The following WWOX variants were observed in gnomAD, a reference collection of about 807,000 sequenced individuals.
The protein encoded by WWOX is WW domain containing oxidoreductase.
A neutral mutation model predicts 46.2 loss-of-function variants in WWOX; 69 were observed. The observed-to-expected ratio is 1.49, with a 90% CI of 1.23 to 1.82. The LOEUF is 1.82. Among genes scored for constraint, WWOX ranks in the 40% most tolerant of loss-of-function variants. The pLI, the probability that WWOX is intolerant of heterozygous loss-of-function variation, is 0.00. For missense variants in WWOX, 919 were observed against 542.6 expected, an observed-to-expected ratio of 1.69 and a Z score of -6.89; for synonymous variants, 359 against 202.6, an observed-to-expected ratio of 1.77 and a Z score of -6.56.
rs115329135 is a variant in WWOX at position 78,395,480 on chromosome 16, C to G, written c.605+8532C>G. Among the ~76,000 whole-genome samples the G allele has an allele frequency of 5.8e-3, 890 of 152,172 alleles. 5 individuals carry two copies. The highest frequency in any genetic ancestry group is 0.02 in the African/African-American group (824 of 41,510). On this transcript the variant is annotated intron_variant, in intron 6 of 8. Coordinates refer to ENST00000566780, the MANE Select transcript of WWOX (RefSeq NM_016373.4). ...GCTGCCATGATCATGCTACTGCACT[C>G]CAGCCTGGGCAACAGAGCCAGAACC...
intron 8 of WWOX, among the ~76,000 whole-genome samples, chr16:78,571,912 C>G (rs983382525): frequency 1.3e-5 from 2 of 152,160 alleles, no homozygotes; most frequent in African/African-American, 2.4e-5. Flanking sequence ...TTATTTCACA[C>G]TCACCAGATT....
At chr16:78,570,589 T>G (rs960045444) in intron 8 of WWOX, among the ~76,000 whole-genome samples, 5 of 152,082 alleles carry the variant, frequency 3.3e-5, no homozygotes, top group African/African-American at 1.2e-4. Context: ...ACAGGGATTA[T>G]AGGTGTGAGC....
At chr16:79,007,254 TG>T (rs1431151551) in intron 8 of WWOX, among the ~76,000 whole-genome samples, 1 of 152,086 alleles carries the variant, frequency 6.6e-6, no homozygotes, top group Non-Finnish European at 1.5e-5. Flanking sequence ...GGTTCTTTGC[TG>T]GAGAATAACA....
chr16:78,464,716 G>A (rs1038916841), intron 8 of WWOX, among the ~76,000 whole-genome samples: 3 of 152,064 alleles, frequency 2.0e-5, no homozygotes, highest in Non-Finnish European at 4.4e-5. Flanking sequence ...TTCCTGGGAG[G>A]CCTCATTGTT....
chr16:78,559,497 T>C (rs564327888), intron 8 of WWOX, among the ~76,000 whole-genome samples: 3 of 152,298 alleles, frequency 2.0e-5, no homozygotes, highest in African/African-American at 7.2e-5. Flanking sequence ...GAATGAACTT[T>C]TTCCCTTTCC....
chr16:79,028,594 T>G (rs17712680), intron 8 of WWOX, among the ~76,000 whole-genome samples: 5,827 of 151,540 alleles, frequency 0.038, 164 homozygotes, highest in South Asian at 0.06. Context: ...CCAGCTTAAC[T>G]AAAATTTTCT....
intron 8 of WWOX, among the ~76,000 whole-genome samples, chr16:79,118,628 T>C (rs1056920856): frequency 3.9e-5 from 6 of 152,188 alleles, no homozygotes; most frequent in Non-Finnish European, 8.8e-5. Context: ...TACAGCTCAG[T>C]GAAGAATATC....
intron 8 of WWOX, among the ~76,000 whole-genome samples, chr16:78,742,973 T>C (rs1397962082): frequency 1.3e-5 from 2 of 152,070 alleles, no homozygotes; most frequent in Non-Finnish European, 2.9e-5. Context: ...GCCTCGTTAA[T>C]GTCTCCCAAG....
intron 8 of WWOX, among the ~76,000 whole-genome samples, chr16:78,958,411 T>C (rs1338084087): frequency 6.6e-6 from 1 of 152,038 alleles, no homozygotes; most frequent in South Asian, 2.1e-4. Flanking sequence ...ATGGATAGAG[T>C]TCATGGATGT....
At chr16:79,034,588 T>G (rs750126921) in intron 8 of WWOX, among the ~76,000 whole-genome samples, 15 of 152,198 alleles carry the variant, frequency 9.9e-5, no homozygotes, top group Non-Finnish European at 2.1e-4. Context: ...TTTATTCTGT[T>G]GTGGAGTGAT....
chr16:78,916,426 A>C (rs1296473625), intron 8 of WWOX, among the ~76,000 whole-genome samples: 1 of 152,210 alleles, frequency 6.6e-6, no homozygotes, highest in South Asian at 2.1e-4. Context: ...GAGATTATTC[A>C]CTGGGTATAA....
chr16:78,552,029 C>G (rs897842593), intron 8 of WWOX: 1 of 152,376 alleles, frequency 6.6e-6, no homozygotes, highest in African/African-American at 2.4e-5. Flanking sequence ...GGCACCCATT[C>G]TTGGCTTCTT....
intron 8 of WWOX, among the ~76,000 whole-genome samples, chr16:78,680,798 C>G (rs2047712039): frequency 1.3e-5 from 2 of 152,076 alleles, no homozygotes; most frequent in Admixed American, 1.3e-4. Flanking sequence ...GGGCACAGTA[C>G]CTGCTGTGAT....
chr16:78,498,337 A>G (rs1386258513), intron 8 of WWOX, among the ~76,000 whole-genome samples: 1 of 152,182 alleles, frequency 6.6e-6, no homozygotes, highest in South Asian at 2.1e-4. Flanking sequence ...GCTGTAATTC[A>G]TGGGGCTCAG....
At chr16:79,193,214 A>G (rs2051171792) in intron 8 of WWOX, among the ~76,000 whole-genome samples, 1 of 152,210 alleles carries the variant, frequency 6.6e-6, no homozygotes, top group Non-Finnish European at 1.5e-5. Context: ...GTTCATCTCC[A>G]AATTTGATTC....
intron 8 of WWOX, among the ~76,000 whole-genome samples, chr16:78,987,594 C>T (rs2046806602): frequency 6.6e-6 from 1 of 152,182 alleles, no homozygotes; most frequent in Non-Finnish European, 1.5e-5. Context: ...AAGACCTCTT[C>T]AAGGACTTTC....
chr16:78,145,214 G>A (rs1362634469), intron 4 of WWOX, among the ~76,000 whole-genome samples: 1 of 152,114 alleles, frequency 6.6e-6, no homozygotes, highest in Non-Finnish European at 1.5e-5. Flanking sequence ...CTCTAGAGGG[G>A]CAGAATAGGA....
At chr16:78,815,742 T>A (rs2051312285) in intron 8 of WWOX, among the ~76,000 whole-genome samples, 1 of 152,200 alleles carries the variant, frequency 6.6e-6, no homozygotes, top group African/African-American at 2.4e-5. Flanking sequence ...AGAACTGCAA[T>A]GCATCTGTCT....
chr16:78,594,429 G>GGC (rs2045429050), intron 8 of WWOX, among the ~76,000 whole-genome samples: 6 of 32,392 alleles, frequency 1.9e-4, no homozygotes, highest in African/African-American at 2.7e-4. Flanking sequence ...CTGAGGAAAG[G>GGC]CCCCCCCCCC....
Sources: gnomAD v4.1 joint callset for allele counts (sites outside exome capture counted in the v4.1 genomes callset) on GRCh38, gnomAD v4.1.1 for gene constraint, MANE v1.5 for transcripts, NCBI Gene and HGNC (gene_info 2026-07-23, HGNC 2026-07-21) for gene names.